LOXHD1: variants seen among roughly 807,000 people sequenced by gnomAD.
The protein encoded by LOXHD1 is lipoxygenase homology PLAT domains 1.
A neutral mutation model predicts 248.2 loss-of-function variants in LOXHD1; 205 were observed. That is an observed-to-expected ratio of 0.83 (90% CI 0.74 to 0.93). The LOEUF is 0.93. Among genes scored for constraint, LOXHD1 ranks in the 40% least tolerant of loss-of-function variants. The pLI is 0.00. For missense variants in LOXHD1, 2,930 were observed against 2,971.6 expected, an observed-to-expected ratio of 0.99 and a Z score of 0.33; for synonymous variants, 1,113 against 1,162.8, an observed-to-expected ratio of 0.96 and a Z score of 0.87.
At chr18:46,506,655 C>A (rs565388302) in intron 36 of LOXHD1, among the ~76,000 whole-genome samples, 1 of 152,122 alleles carries the variant, frequency 6.6e-6, no homozygotes, top group Non-Finnish European at 1.5e-5. Flanking sequence ...GGTAAAAGTT[C>A]CATTGTGAGA....
intron 37 of LOXHD1, among the ~76,000 whole-genome samples, chr18:46,501,500 T>A (rs777597621): frequency 4.6e-5 from 7 of 152,188 alleles, no homozygotes; most frequent in Non-Finnish European, 4.4e-5. Flanking sequence ...CCAGAGATGA[T>A]ACATGTTAGA....
rs1316207363 is a variant in LOXHD1 at position 46,505,980 on chromosome 18, C to G, written c.5736G>C (p.Glu1912Asp). 1 of 1,552,298 alleles carries G rather than the reference C, an allele frequency of 6.4e-7. No homozygotes were observed. Among genetic ancestry groups the G allele is most frequent in the South Asian group, 1.2e-5 (1 of 84,056 alleles). ...GGGCCAGTGTCCCACTATCCCCGTTCTCCCCGAAGATGATGATGAACACGT... is the reference window on the plus strand; with the variant it reads ...GGGCCAGTGTCCCACTATCCCCGTTGTCCCCGAAGATGATGATGAACACGT... The part of the protein sequence containing the change: ...DANVFIIIFG[E>D]NGDSGTLALK... The change falls in exon 37 of 41, where the codon GAG becomes GAC. Residue 1912 changes from glutamate to aspartate, a missense_variant. By Grantham distance (45) the Glu-to-Asp change is conservative. Coordinates refer to ENST00000642948, the MANE Select transcript of LOXHD1 (RefSeq NM_001384474.1).
In LOXHD1 at chr18:46,599,615, T is replaced by A. The variant is rs567242714; in HGVS notation, c.1134+1602A>T. Among the ~76,000 whole-genome samples, 10 of 152,212 alleles carry A rather than the reference T, an allele frequency of 6.6e-5. No individual in the cohort carries two copies. The South Asian group carries it at 2.1e-3, about 32-fold the overall frequency. On this transcript the variant is annotated intron_variant, in intron 8 of 40. Coordinates refer to ENST00000642948, the MANE Select transcript of LOXHD1 (RefSeq NM_001384474.1). ...ATAAACTAGATACTTTTAAATTAAA[T>A]CTCTTACTCAAAGAACATCACAAAC...
At chr18:46,557,261 C>T (rs1227911534) in intron 21 of LOXHD1, 95 bp downstream of exon 21, 9 of 1,477,520 alleles carry the variant, frequency 6.1e-6, no homozygotes, top group East Asian at 2.5e-5. Flanking sequence ...CCGTCACAGC[C>T]GGCCCACCCC....
intron 2 of LOXHD1, among the ~76,000 whole-genome samples, chr18:46,645,565 G>C (rs2039018576): frequency 6.6e-6 from 1 of 152,204 alleles, no homozygotes; most frequent in African/African-American, 2.4e-5. Context: ...TAATGGGGAA[G>C]AGTGCGAGGA....
chr18:46,534,147 G>C (rs1230799962), intron 27 of LOXHD1, among the ~76,000 whole-genome samples, 188 bp downstream of exon 27: 1 of 152,110 alleles, frequency 6.6e-6, no homozygotes, highest in African/African-American at 2.4e-5. Context: ...CACGAAACCA[G>C]GTTCTAGAAA....
intron 4 of LOXHD1, among the ~76,000 whole-genome samples, chr18:46,630,390 C>A (rs933322686): frequency 6.6e-6 from 1 of 152,156 alleles, no homozygotes; most frequent in Non-Finnish European, 1.5e-5. Flanking sequence ...GGGCTGTGGG[C>A]AATTACTTGG....
chr18:46,638,652 A>C (rs1371384817), intron 4 of LOXHD1, among the ~76,000 whole-genome samples: 2 of 152,194 alleles, frequency 1.3e-5, no homozygotes, highest in African/African-American at 4.8e-5. Context: ...ATAAACAAAT[A>C]AAATAAAAAT....
At chr18:46,490,373 T>A (rs1568083668) in intron 37 of LOXHD1, among the ~76,000 whole-genome samples, 1 of 152,258 alleles carries the variant, frequency 6.6e-6, no homozygotes, top group Non-Finnish European at 1.5e-5. Flanking sequence ...GAAAAAGTAC[T>A]TCTTACGTTT....
At position 46,579,899 on chromosome 18, in the gene LOXHD1, C is replaced by A. The variant is rs1170887334; in HGVS notation, c.1655-115G>T. On this transcript the variant is annotated intron_variant, in intron 12 of 40. Transcript: ENST00000642948. The stretch of plus-strand genomic sequence containing the variant: ...CCTCTCCTTCTAGTTCTCATCTGGG[C>A]TGACCTTCCCCCTTCCTCCCAACTA... The A allele has an allele frequency of 2.3e-5, 29 of 1,251,260 alleles. 1 individual carries two copies. Among genetic ancestry groups the A allele is most frequent in the Middle Eastern group, 5.6e-4 (2 of 3,578 alleles). 77.5% of individuals were successfully genotyped at this position (1,251,260 alleles called of 1,614,324 possible).
intron 15 of LOXHD1, among the ~76,000 whole-genome samples, chr18:46,570,383 G>T (rs2037728927): frequency 6.6e-6 from 1 of 152,234 alleles, no homozygotes; most frequent in African/African-American, 2.4e-5. Flanking sequence ...GCACTGGAAA[G>T]GTGAGTGATG....
intron 29 of LOXHD1, among the ~76,000 whole-genome samples, chr18:46,526,941 A>T (rs1395434984): frequency 1.3e-5 from 2 of 152,302 alleles, no homozygotes; most frequent in African/African-American, 2.4e-5. Context: ...TGACTTCCAT[A>T]TTCTGGAGTG....
intron 37 of LOXHD1, among the ~76,000 whole-genome samples, chr18:46,494,045 C>T (rs1168345380): frequency 1.3e-5 from 2 of 152,194 alleles, no homozygotes; most frequent in African/African-American, 2.4e-5. Context: ...GTCCTCTGGA[C>T]AATTTAGACC....
intron 26 of LOXHD1, among the ~76,000 whole-genome samples, chr18:46,535,322 C>T (rs1013878422): frequency 3.3e-5 from 5 of 151,816 alleles, no homozygotes; most frequent in South Asian, 2.1e-4. Context: ...AAAATGGGTA[C>T]GATAAAATCA....
chr18:46,585,067 T>C (rs529140152), intron 12 of LOXHD1, among the ~76,000 whole-genome samples: 2 of 152,250 alleles, frequency 1.3e-5, no homozygotes, highest in East Asian at 3.9e-4. Flanking sequence ...AGGAAATTCA[T>C]CAACCCATAA....
intron 38 of LOXHD1, among the ~76,000 whole-genome samples, chr18:46,488,176 A>C (rs774264328): frequency 6.6e-6 from 1 of 152,096 alleles, no homozygotes; most frequent in Non-Finnish European, 1.5e-5. Flanking sequence ...AGGGAGTGGG[A>C]GGGGCTGCAG....
At position 46,579,631 on chromosome 18, in the gene LOXHD1, T is replaced by G. The variant is rs918726548; in HGVS notation, c.1808A>C (p.Asn603Thr). The G allele has an allele frequency of 4.5e-6, 7 of 1,551,664 alleles. No homozygotes were observed. The Admixed American group carries it at 1.4e-4, about 30-fold the overall frequency. The change falls in exon 13 of 41, where the codon AAT (asparagine) becomes ACT (threonine). Residue 603 changes from asparagine (N) to threonine (T), a missense_variant and splice_region_variant. Asn to Thr is a moderately conservative substitution (Grantham distance 65, BLOSUM62 0). Transcript: ENST00000642948. ...RNNTDLFEKGNADEFTIESVT... is the reference protein window; with the variant it reads ...RNNTDLFEKGTADEFTIESVT... ...GTGGGGCACATTGCTGTAACTTACA[T>G]TGCCCTTTTCAAACAGGTCTGTGTT...
chr18:46,579,013 C>T (rs1469112739), intron 13 of LOXHD1, among the ~76,000 whole-genome samples: 1 of 152,280 alleles, frequency 6.6e-6, no homozygotes, highest in Non-Finnish European at 1.5e-5. Context: ...ACAGGGGGAA[C>T]ACCCAACACA....
intron 16 of LOXHD1, among the ~76,000 whole-genome samples, chr18:46,567,929 C>T (rs1401355820): frequency 6.6e-6 from 1 of 152,190 alleles, no homozygotes; most frequent in East Asian, 1.9e-4. Context: ...CCCACTGCCA[C>T]CCTACTCTTC....
Sources: allele counts gnomAD v4.1 joint callset (sites outside exome capture counted in the v4.1 genomes callset), GRCh38; gene constraint gnomAD v4.1.1; transcripts MANE v1.5; gene names NCBI Gene and HGNC (gene_info 2026-07-23, HGNC 2026-07-21).